The following ACTN2 variants were observed in gnomAD, a reference collection of about 807,000 sequenced individuals.
ACTN2 encodes the protein alpha-actinin-2.
In ACTN2, 39 loss-of-function variants were observed where a neutral mutation model predicts 113.8. That is an observed-to-expected ratio of 0.34 (90% confidence interval 0.27 to 0.45). The LOEUF (loss-of-function observed/expected upper bound fraction) is 0.45. ACTN2 is among the 20% of genes least tolerant of loss of function. The pLI, the probability that ACTN2 is intolerant of heterozygous loss-of-function variation, is 1.00. For missense variants in ACTN2, 992 were observed against 1,177.9 expected (o/e 0.84, Z 2.31); for synonymous variants, 429 against 444.1 (o/e 0.97, Z 0.43).
chr1:236,724,043 G>A (rs1469333651), intron 4 of ACTN2, among the ~76,000 whole-genome samples: 2 of 152,194 alleles, frequency 1.3e-5, no homozygotes, highest in African/African-American at 2.4e-5. Flanking sequence ...GCCATAGCAT[G>A]GATGGCTTAA....
At position 236,755,027 on chromosome 1, in the gene ACTN2, C is replaced by T. The variant is rs372137571; in HGVS notation, c.1983C>T (p.Ala661=). ...PWIQNKMEEI[A]RSSIQITGAL... is the part of the protein sequence containing the mutation. ...TCACTCGCCCCCCTCAGGAGATTGC[C>T]CGGAGCTCCATCCAGATCACAGGAG... The change falls in exon 17 of 21, where the codon GCC becomes GCT. Residue 661 remains alanine (A), a synonymous_variant. Transcript: ENST00000366578. 146 of 1,614,166 alleles carry T rather than the reference C, an allele frequency of 9.0e-5. No individual in the cohort carries two copies. The Middle Eastern group carries it at 2.5e-3, about 27-fold the overall frequency.
intron 1 of ACTN2, among the ~76,000 whole-genome samples, chr1:236,709,980 T>G (rs1303663822): frequency 6.6e-6 from 1 of 152,156 alleles, no homozygotes; most frequent in Non-Finnish European, 1.5e-5. Context: ...GAAAATGGAA[T>G]GATGAAGGTT....
chr1:236,709,022 C>T (rs1441819954), intron 1 of ACTN2, among the ~76,000 whole-genome samples: 1 of 151,590 alleles, frequency 6.6e-6, no homozygotes, highest in African/African-American at 2.4e-5. Flanking sequence ...GAAAAGAACA[C>T]TATTAAAGTG....
intron 1 of ACTN2, among the ~76,000 whole-genome samples, chr1:236,695,563 T>TTCCCC (rs1553296741): frequency 3.9e-4 from 39 of 100,778 alleles, no homozygotes; most frequent in African/African-American, 3.7e-4. Context: ...TGAAATGAGT[T>TTCCCC]CCCCCCCCCT....
intron 7 of ACTN2, among the ~76,000 whole-genome samples, chr1:236,732,357 A>G (rs1326453903): frequency 2.0e-5 from 3 of 152,186 alleles, no homozygotes; most frequent in Non-Finnish European, 4.4e-5. Flanking sequence ...TTGTGGCAGC[A>G]TCAGTCCAAT....
chr1:236,711,121 C>A (rs1008758705), intron 1 of ACTN2, among the ~76,000 whole-genome samples: 1 of 152,196 alleles, frequency 6.6e-6, no homozygotes, highest in Admixed American at 6.5e-5. Context: ...GCCTGTATAG[C>A]CAGTGGAGAG....
At chr1:236,727,817 A>T (rs879686120) in intron 6 of ACTN2, 61 bp downstream of exon 6, 1 of 1,533,784 alleles carries the variant, frequency 6.5e-7, no homozygotes, top group Non-Finnish European at 9.0e-7. Context: ...TGTCCTGCAA[A>T]TGAGCACATC....
intron 7 of ACTN2, 50 bp from the exon 8 acceptor site, chr1:236,735,585 G>C (rs747011154): frequency 6.9e-7 from 1 of 1,440,608 alleles, no homozygotes; most frequent in Non-Finnish European, 9.8e-7. Flanking sequence ...GTCTGTATGT[G>C]TGTGGTGTGT....
At chr1:236,696,775 C>G (rs531758596) in intron 1 of ACTN2, among the ~76,000 whole-genome samples, 1 of 151,860 alleles carries the variant, frequency 6.6e-6, no homozygotes, top group South Asian at 2.1e-4. Flanking sequence ...AAGCGATTCT[C>G]CTACCTCAGC....
intron 1 of ACTN2, among the ~76,000 whole-genome samples, chr1:236,715,169 T>C (rs191057133): frequency 3.5e-5 from 5 of 143,244 alleles, no homozygotes; most frequent in Admixed American, 7.0e-5. Flanking sequence ...TTTTTTTTTT[T>C]ATTCTACTTT....
intron 20 of ACTN2, 23 bp from the exon 21 acceptor site, chr1:236,762,438 A>G (rs761921858): frequency 6.2e-7 from 1 of 1,613,778 alleles, no homozygotes; most frequent in Non-Finnish European, 8.5e-7. Flanking sequence ...ACTGACTGCA[A>G]ACACGTGTGT....
intron 1 of ACTN2, among the ~76,000 whole-genome samples, chr1:236,708,812 G>A (rs1459672082): frequency 6.6e-6 from 1 of 152,194 alleles, no homozygotes; most frequent in East Asian, 1.9e-4. Context: ...TACTCTCTAT[G>A]AGGGCAGAGC....
rs373710123 is a variant in ACTN2, at chr1:236,754,107, G to A, written c.1974+26G>A. ...GTAAGCCAGCGCCCTCCCAGGCGCT[G>A]TTCACAAGCCTTGCGATAAGTCCCT... On this transcript the variant is annotated intron_variant, in intron 16 of 20. Transcript: ENST00000366578. The surrounding 1 kb of genome is among the most constrained non-coding windows in gnomAD (Gnocchi z 4.9). 4 of 1,612,554 alleles carry A rather than the reference G, an allele frequency of 2.5e-6. No individual in the cohort carries two copies. The highest frequency in any genetic ancestry group is 3.4e-6 in the Non-Finnish European group (4 of 1,180,036).
At chr1:236,718,842 C>T (rs778513501) in intron 2 of ACTN2, 52 bp from the exon 3 acceptor site, 27 of 1,613,086 alleles carry the variant, frequency 1.7e-5, no homozygotes, top group Non-Finnish European at 2.0e-5. Context: ...CTTGATTCCG[C>T]ATCAAGAGGT....
intron 1 of ACTN2, among the ~76,000 whole-genome samples, chr1:236,710,144 A>C (rs1307749811): frequency 6.6e-6 from 1 of 152,190 alleles, no homozygotes; most frequent in Non-Finnish European, 1.5e-5. Context: ...CTAGGTAATA[A>C]TCTCTTCTAG....
chr1:236,689,065 T>C (rs758240672), intron 1 of ACTN2, among the ~76,000 whole-genome samples: 1 of 152,082 alleles, frequency 6.6e-6, no homozygotes, highest in Non-Finnish European at 1.5e-5. Context: ...AGAAGGACTT[T>C]ATAAAAGTGT....
At chr1:236,699,836 A>G (rs1375582038) in intron 1 of ACTN2, among the ~76,000 whole-genome samples, 1 of 152,254 alleles carries the variant, frequency 6.6e-6, no homozygotes, top group Non-Finnish European at 1.5e-5. Flanking sequence ...TAGGCCAAGG[A>G]AAAACCAAGC....
chr1:236,720,331 G>GT (rs1479257515), intron 4 of ACTN2, 140 bp downstream of exon 4: 34 of 729,908 alleles, frequency 4.7e-5, no homozygotes, highest in Non-Finnish European at 6.5e-5. Flanking sequence ...TATAAATTTT[G>GT]TATGTGTATA....
intron 1 of ACTN2, among the ~76,000 whole-genome samples, chr1:236,711,767 G>A (rs1227457269): frequency 6.6e-6 from 1 of 152,204 alleles, no homozygotes; most frequent in African/African-American, 2.4e-5. Context: ...GATGCTGAAA[G>A]TGTTTATATT....
Sources: gnomAD v4.1 joint callset for allele counts (sites outside exome capture counted in the v4.1 genomes callset) on GRCh38, gnomAD v4.1.1 for gene constraint, Gnocchi (gnomAD v3.1) non-coding constraint, MANE v1.5 for transcripts, NCBI Gene and HGNC (gene_info 2026-07-23, HGNC 2026-07-21) for gene names.